Variants in LARP4 observed in about 807,000 individuals in gnomAD.
LARP4 encodes la-related protein 4.
In LARP4, 29 loss-of-function variants were observed where a neutral mutation model predicts 92.9. That is an observed-to-expected ratio of 0.31 (90% CI 0.23 to 0.43). The LOEUF is 0.43. Ranked by LOEUF, LARP4 falls within the 20% of genes least tolerant of loss-of-function variation. The pLI is 1.00. For synonymous variants in LARP4, 279 were observed against 284.1 expected (o/e 0.98, Z 0.18); for missense variants, 732 against 860.0 (o/e 0.85, Z 1.86).
chr12:50,445,462 C>T (rs1951864261), intron 8 of LARP4, among the ~76,000 whole-genome samples: 2 of 152,022 alleles, frequency 1.3e-5, no homozygotes, highest in Non-Finnish European at 2.9e-5. Context: ...AACTTCTTGG[C>T]TCTGTATGTT....
chr12:50,457,300 G>T (rs754851504), intron 10 of LARP4, among the ~76,000 whole-genome samples: 2 of 148,784 alleles, frequency 1.3e-5, no homozygotes, highest in Non-Finnish European at 3.0e-5. Context: ...TCCGTCTCCC[G>T]GGTTCAAGCG....
At chr12:50,462,164 A>T (rs1955490188) in intron 11 of LARP4, among the ~76,000 whole-genome samples, 1 of 151,870 alleles carries the variant, frequency 6.6e-6, no homozygotes. Flanking sequence ...ACTAGCCCCA[A>T]ATGTAGAAAG....
At chr12:50,460,203 T>TA (rs1199900457) in intron 10 of LARP4, among the ~76,000 whole-genome samples, 1 of 152,168 alleles carries the variant, frequency 6.6e-6, no homozygotes, top group Non-Finnish European at 1.5e-5. Flanking sequence ...CTGGCTGATT[T>TA]AAACATGTCG....
chr12:50,467,625 A>G (rs1274846403), intron 13 of LARP4, among the ~76,000 whole-genome samples: 2 of 152,076 alleles, frequency 1.3e-5, no homozygotes, highest in African/African-American at 2.4e-5. Flanking sequence ...CTGTTAGTCA[A>G]TTCAGCCTGT....
intron 1 of LARP4, among the ~76,000 whole-genome samples, chr12:50,405,416 TAA>T (rs1334021779): frequency 6.6e-6 from 1 of 151,198 alleles, no homozygotes; most frequent in Non-Finnish European, 1.5e-5. Flanking sequence ...GATAGTAATT[TAA>T]AAAAATTTTT....
chr12:50,467,932 G>A (rs1480493322), intron 13 of LARP4, among the ~76,000 whole-genome samples: 1 of 151,580 alleles, frequency 6.6e-6, no homozygotes, highest in African/African-American at 2.4e-5. Flanking sequence ...ACTACTTTCA[G>A]CTCCTTAGTT....
intron 8 of LARP4, among the ~76,000 whole-genome samples, chr12:50,446,429 ATTTT>A (rs71083573): frequency 2.6e-4 from 1 of 3,916 alleles, no homozygotes; most frequent in African/African-American, 8.3e-4. Context: ...ATATATATAT[ATTTT>A]TTTTTTTTTT....
intron 11 of LARP4, among the ~76,000 whole-genome samples, 174 bp from the exon 12 acceptor site, chr12:50,462,408 A>T (rs1955531130): frequency 6.7e-6 from 1 of 149,112 alleles, no homozygotes; most frequent in African/African-American, 2.5e-5. Context: ...TGAACCCGGG[A>T]GGCAGTTCGT....
intron 1 of LARP4, among the ~76,000 whole-genome samples, chr12:50,408,691 C>G (rs1945300374): frequency 6.6e-6 from 1 of 152,082 alleles, no homozygotes; most frequent in African/African-American, 2.4e-5. Flanking sequence ...ATGTTTTACC[C>G]TTTTTCCTTC....
intron 8 of LARP4, among the ~76,000 whole-genome samples, chr12:50,447,298 T>G (rs1952365665): frequency 1.3e-5 from 2 of 152,314 alleles, no homozygotes; most frequent in Middle Eastern, 3.4e-3. Flanking sequence ...ATACTCAGCC[T>G]GTGGTTTTAT....
chr12:50,451,336 C>G (rs746263958), intron 8 of LARP4, among the ~76,000 whole-genome samples: 5 of 152,136 alleles, frequency 3.3e-5, no homozygotes, highest in African/African-American at 4.8e-5. Context: ...TGTGCCTGCC[C>G]TATTTCACTT....
chr12:50,453,883 T>C (rs887089174), intron 9 of LARP4, among the ~76,000 whole-genome samples: 2 of 152,134 alleles, frequency 1.3e-5, no homozygotes, highest in African/African-American at 4.8e-5. Context: ...TCCACCCGCC[T>C]CAGCCTCCCA....
chr12:50,414,066 T>C (rs968699667), intron 1 of LARP4, among the ~76,000 whole-genome samples: 1 of 152,190 alleles, frequency 6.6e-6, no homozygotes, highest in African/African-American at 2.4e-5. Context: ...TAATAAACAT[T>C]GCCAACTCTT....
intron 5 of LARP4, among the ~76,000 whole-genome samples, chr12:50,436,318 A>G (rs920830915): frequency 2.7e-4 from 41 of 151,966 alleles, no homozygotes; most frequent in African/African-American, 9.9e-4. Context: ...CCCCCGGCCT[A>G]TATACAGCTT....
chr12:50,446,295 C>A (rs1455462093), intron 8 of LARP4, among the ~76,000 whole-genome samples: 3 of 137,580 alleles, frequency 2.2e-5, no homozygotes, highest in Non-Finnish European at 4.6e-5. Context: ...TGTGAGCCAC[C>A]GCGCCTGACC....
chr12:50,426,719 G>GTGTA (rs1948807459), intron 1 of LARP4, among the ~76,000 whole-genome samples: 1 of 132,686 alleles, frequency 7.5e-6, no homozygotes, highest in Non-Finnish European at 1.6e-5. Flanking sequence ...GTGTGTGTGT[G>GTGTA]TGTGTGTGTG....
At chr12:50,461,507 A>G (rs961748136) in intron 11 of LARP4, 160 bp downstream of exon 11, 134 of 776,596 alleles carry the variant, frequency 1.7e-4, no homozygotes, top group Non-Finnish European at 2.4e-4. Context: ...GTTGCTTTTT[A>G]TAATTATTAA....
At chr12:50,450,027 G>A (rs1952895824) in intron 8 of LARP4, among the ~76,000 whole-genome samples, 1 of 147,716 alleles carries the variant, frequency 6.8e-6, no homozygotes, top group Non-Finnish European at 1.5e-5. Context: ...TCCGCCTCCT[G>A]GGTTCAAGCG....
chr12:50,459,158 C>T (rs1014751753), intron 10 of LARP4, among the ~76,000 whole-genome samples: 1 of 152,132 alleles, frequency 6.6e-6, no homozygotes, highest in South Asian at 2.1e-4. Flanking sequence ...GCCACCATGC[C>T]AGGCTAATTT....
Sources: gnomAD v4.1 joint callset for allele counts (sites outside exome capture counted in the v4.1 genomes callset) on GRCh38, gnomAD v4.1.1 for gene constraint, MANE v1.5 for transcripts, NCBI Gene and HGNC (gene_info 2026-07-23, HGNC 2026-07-21) for gene names.